KCNA6: variants seen among roughly 807,000 people sequenced by gnomAD.
KCNA6 encodes the protein potassium voltage-gated channel subfamily A member 6.
Under a neutral mutation model 29.5 loss-of-function variants are expected in KCNA6, and 17 were observed. That is an observed-to-expected ratio of 0.58 (90% CI 0.39 to 0.86). The LOEUF (loss-of-function observed/expected upper bound fraction) is 0.86, where lower values mean the gene tolerates loss of function less well. Among genes scored for constraint, KCNA6 ranks in the 40% least tolerant of loss-of-function variants. KCNA6 has a pLI of 0.00. For synonymous variants in KCNA6, 296 were observed against 304.7 expected (o/e 0.97, Z 0.30); for missense variants, 450 against 703.4 (o/e 0.64, Z 4.07).
At chr12:4,836,582 G>A in the KCNA6 span, among the ~76,000 whole-genome samples, 1,624 of 152,306 alleles carry the variant, frequency 0.011, 15 homozygotes, top group Admixed American at 0.027. Context: ...GATATATGGA[G>A]TGAGAGAAAG....
chr12:4,816,249 GGTGTGTGTGTGTGTGTGT>G (rs59638657), downstream of KCNA6, among the ~76,000 whole-genome samples: 14 of 142,738 alleles, frequency 9.8e-5, no homozygotes, highest in East Asian at 1.0e-3. Flanking sequence ...ACCACGAACT[GGTGTGTGTGTGTGTGTGT>G]GTGTGTGTGT....
At chr12:4,809,946 A>C (rs1197095055) in exon 1 of KCNA6, 1 of 1,411,060 alleles carries the variant, frequency 7.1e-7, no homozygotes, top group African/African-American at 1.4e-5. Flanking sequence ...CCCACCCTAA[A>C]GAGGGCGCAG....
rs1946634833 is a variant in KCNA6 at position 4,811,809 on chromosome 12, G to A, written c.*178G>A. On this transcript the variant is annotated 3_prime_UTR_variant, in exon 1 of 1. Coordinates refer to ENST00000280684, the Ensembl canonical transcript of KCNA6. The surrounding 1 kb of genome is among the most constrained non-coding windows in gnomAD (Gnocchi z 7.1). The stretch of plus-strand genomic sequence containing the variant: ...TCAACCTTGTTGCTTAATCCCTGCA[G>A]CATTCAAGGTTAATCCATCTAAGTG... The A allele has an allele frequency of 1.4e-6, 1 of 702,632 alleles. No homozygotes were observed. Among genetic ancestry groups the A allele is most frequent in the East Asian group, 2.7e-5 (1 of 36,448 alleles). 43.5% of individuals were successfully genotyped at this position (702,632 alleles called of 1,614,324 possible).
At chr12:4,849,677 A>C in the KCNA6 span, among the ~76,000 whole-genome samples, 1 of 152,044 alleles carries the variant, frequency 6.6e-6, no homozygotes. Context: ...TAAGATTACA[A>C]GTTACTCCAT....
At chr12:4,809,450 G>C (rs1174443080) in exon 1 of KCNA6, 3 of 151,910 alleles carry the variant, frequency 2.0e-5, no homozygotes, top group Non-Finnish European at 2.9e-5. Context: ...CGAGGCCTGC[G>C]GCGCGGCTCC....
the KCNA6 span, among the ~76,000 whole-genome samples, chr12:4,850,569 G>A: frequency 6.6e-6 from 1 of 152,152 alleles, no homozygotes; most frequent in African/African-American, 2.4e-5. The surrounding 1 kb of genome is among the most constrained non-coding windows in gnomAD (Gnocchi z 5.4). Context: ...GGTACAGTTT[G>A]AACAGACCAG....
chr12:4,843,221 C>T, the KCNA6 span, among the ~76,000 whole-genome samples: 1 of 151,034 alleles, frequency 6.6e-6, no homozygotes, highest in East Asian at 1.9e-4. Context: ...CACTCTGTCG[C>T]CCAGGCTGGA....
chr12:4,840,028 T>A, the KCNA6 span, among the ~76,000 whole-genome samples: 2 of 152,108 alleles, frequency 1.3e-5, no homozygotes, highest in African/African-American at 4.8e-5. Context: ...AAAACTTCCA[T>A]CATGAAAAGT....
the KCNA6 span, among the ~76,000 whole-genome samples, chr12:4,820,808 T>A: frequency 6.6e-6 from 1 of 152,068 alleles, no homozygotes; most frequent in Non-Finnish European, 1.5e-5. Context: ...AGACCAAAGG[T>A]ATTTAGCACT....
chr12:4,821,213 C>T, the KCNA6 span, among the ~76,000 whole-genome samples: 1 of 152,172 alleles, frequency 6.6e-6, no homozygotes, highest in South Asian at 2.1e-4. Flanking sequence ...ATAAATCAGC[C>T]AGGCACTCCC....
the KCNA6 span, among the ~76,000 whole-genome samples, chr12:4,837,686 C>T: frequency 6.6e-6 from 1 of 152,056 alleles, no homozygotes; most frequent in Non-Finnish European, 1.5e-5. Context: ...TGTCTACTCA[C>T]AGACGCATAT....
the KCNA6 span, among the ~76,000 whole-genome samples, chr12:4,840,196 TATC>T: frequency 4.1e-3 from 1 of 246 alleles, no homozygotes; most frequent in Non-Finnish European, 8.2e-3. Flanking sequence ...TGATGATTAT[TATC>T]TATCTATCTA....
the KCNA6 span, among the ~76,000 whole-genome samples, chr12:4,845,403 C>T: frequency 1.3e-5 from 2 of 152,158 alleles, no homozygotes; most frequent in African/African-American, 2.4e-5. Flanking sequence ...AAGAAGTCAA[C>T]GCTTTTCTGA....
the KCNA6 span, among the ~76,000 whole-genome samples, chr12:4,828,949 ATCC>A: frequency 1.3e-5 from 2 of 152,164 alleles, no homozygotes; most frequent in African/African-American, 4.8e-5. Context: ...GGCTCCTGTC[ATCC>A]TCTTCGTCCT....
chr12:4,840,704 A>C, the KCNA6 span, among the ~76,000 whole-genome samples: 1 of 152,212 alleles, frequency 6.6e-6, no homozygotes, highest in South Asian at 2.1e-4. Flanking sequence ...GGTCAGCAAG[A>C]AGGATGGTTC....
chr12:4,821,329 G>A, the KCNA6 span, among the ~76,000 whole-genome samples: 3 of 152,178 alleles, frequency 2.0e-5, no homozygotes, highest in African/African-American at 7.2e-5. Flanking sequence ...GTGCTTCAGG[G>A]GAAGGATCGC....
the KCNA6 span, among the ~76,000 whole-genome samples, chr12:4,819,357 A>T: frequency 1.3e-5 from 2 of 152,190 alleles, no homozygotes; most frequent in Non-Finnish European, 2.9e-5. Context: ...CCTGGCCCAG[A>T]GTTTTCCTAC....
downstream of KCNA6, among the ~76,000 whole-genome samples, chr12:4,817,553 A>G (rs1016590052): frequency 2.6e-5 from 4 of 152,166 alleles, no homozygotes; most frequent in Non-Finnish European, 2.9e-5. Flanking sequence ...GTGGAAATCT[A>G]TCAGCCACTG....
At chr12:4,832,345 A>C in the KCNA6 span, among the ~76,000 whole-genome samples, 1 of 147,528 alleles carries the variant, frequency 6.8e-6, no homozygotes, top group African/African-American at 2.5e-5. Context: ...CTCCTCTGTG[A>C]CCCCACCCCA....
Sources: allele counts gnomAD v4.1 joint callset (sites outside exome capture counted in the v4.1 genomes callset), GRCh38; gene constraint gnomAD v4.1.1; non-coding constraint Gnocchi (gnomAD v3.1); transcripts MANE v1.5; gene names NCBI Gene and HGNC (gene_info 2026-07-23, HGNC 2026-07-21).